Variants in CREBBP observed in about 807,000 individuals in gnomAD.
CREBBP encodes CREB-binding protein.
Under a neutral mutation model 265.0 loss-of-function variants are expected in CREBBP, and 19 were observed. The observed-to-expected ratio is 0.07, with a 90% CI of 0.05 to 0.11. The LOEUF is 0.11. CREBBP is among the 10% of genes least tolerant of loss of function. The pLI, the probability that CREBBP is intolerant of heterozygous loss-of-function variation, is 1.00. For missense variants in CREBBP, 2,525 were observed against 3,219.0 expected (o/e 0.78, Z 5.22); for synonymous variants, 1,457 against 1,223.7 (o/e 1.19, Z -3.98).
chr16:3,798,200 C>A (rs899613586), intron 3 of CREBBP, among the ~76,000 whole-genome samples: 2 of 152,168 alleles, frequency 1.3e-5, no homozygotes, highest in African/African-American at 2.4e-5. Flanking sequence ...GCAAACACTT[C>A]AACGTAAGAG....
At chr16:3,851,074 T>C in intron 1 of CREBBP, 65 bp from the exon 2 acceptor site, 2 of 1,391,220 alleles carry the variant, frequency 1.4e-6, no homozygotes, top group Admixed American at 1.7e-5. Context: ...AACTGCCACG[T>C]TTCTATGATC....
intron 1 of CREBBP, among the ~76,000 whole-genome samples, chr16:3,874,670 A>G (rs1321998150): frequency 6.6e-6 from 1 of 152,210 alleles, no homozygotes; most frequent in Non-Finnish European, 1.5e-5. Flanking sequence ...CAGGATTGAG[A>G]GTGGTCCAAC....
chr16:3,740,988 G>A (rs969083437), intron 23 of CREBBP: 10 of 310,828 alleles, frequency 3.2e-5, no homozygotes, highest in African/African-American at 1.7e-4. Context: ...AACGTGGAAC[G>A]TTCTAGGGCT....
intron 1 of CREBBP, among the ~76,000 whole-genome samples, chr16:3,873,784 A>G (rs186021085): frequency 3.8e-3 from 580 of 152,310 alleles, no homozygotes; most frequent in Admixed American, 5.2e-3. Flanking sequence ...GTGGGAGCCC[A>G]TGGGTACGGA....
intron 2 of CREBBP, among the ~76,000 whole-genome samples, chr16:3,843,137 A>G (rs1164830534): frequency 6.6e-6 from 1 of 152,172 alleles, no homozygotes; most frequent in African/African-American, 2.4e-5. Context: ...AACTTACGAA[A>G]GAACAGGCTG....
chr16:3,818,736 C>G (rs1341061749), intron 2 of CREBBP, among the ~76,000 whole-genome samples: 4 of 152,186 alleles, frequency 2.6e-5, no homozygotes, highest in Non-Finnish European at 5.9e-5. Flanking sequence ...GCAGACCACT[C>G]AGAGGAAGTG....
intron 27 of CREBBP, 107 bp from the exon 28 acceptor site, chr16:3,736,310 G>A: frequency 8.4e-7 from 1 of 1,191,504 alleles, no homozygotes; most frequent in African/African-American, 1.5e-5. Context: ...GTGTGGCAGA[G>A]TCCCATGCAT....
intron 26 of CREBBP, among the ~76,000 whole-genome samples, chr16:3,738,314 T>TAAA (rs369510235): frequency 1.5e-5 from 2 of 131,250 alleles, no homozygotes; most frequent in Admixed American, 7.6e-5. Flanking sequence ...TCAATAAAGT[T>TAAA]AAAAAAAAAA....
At chr16:3,815,972 T>C (rs1022419963) in intron 2 of CREBBP, among the ~76,000 whole-genome samples, 2 of 152,194 alleles carry the variant, frequency 1.3e-5, no homozygotes, top group East Asian at 3.8e-4. Flanking sequence ...ACTGTTCAGT[T>C]AATAGTAAAA....
chr16:3,745,391 G>T (rs1356492914), intron 21 of CREBBP, 37 bp from the exon 22 acceptor site: 1 of 1,592,952 alleles, frequency 6.3e-7, no homozygotes, highest in South Asian at 1.1e-5. Flanking sequence ...AAAGCACACG[G>T]AACCACAAGA....
rs1312606812 is a variant in CREBBP at position 3,731,975 on chromosome 16, C to T, written c.4729-38G>A. 1.2e-6 allele frequency: 2 copies of T among 1,613,976 alleles called. No individual in the cohort carries two copies. Among genetic ancestry groups the T allele is most frequent in the Non-Finnish European group, 1.7e-6 (2 of 1,180,034 alleles). ...GCAAGGCTGTGAGACCAGGCAAGTGCCCCTCCACACTTGGCACGGACGCCC... is the reference window on the plus strand; with the variant it reads ...GCAAGGCTGTGAGACCAGGCAAGTGTCCCTCCACACTTGGCACGGACGCCC... On this transcript the variant is annotated intron_variant, in intron 28 of 30. Transcript: ENST00000262367. The surrounding 1 kb of genome is among the most constrained non-coding windows in gnomAD (Gnocchi z 7.7).
At position 3,773,900 on chromosome 16, in the gene CREBBP, G is replaced by A. The variant is rs1555482779; in HGVS notation, c.2314C>T (p.Pro772Ser). Residue 772 changes from proline to serine, a missense_variant, in exon 13 of 31, where the codon CCT becomes TCT. Transcript: ENST00000262367. ...GTGTGTGCACCCATCATGTTCGGAGGCTGAGGCATTCGGGAAGGAGAAATG... is the reference window on the plus strand; with the variant it reads ...GTGTGTGCACCCATCATGTTCGGAGACTGAGGCATTCGGGAAGGAGAAATG... ...MAISPSRMPQ[P>S]PNMMGAHTNN... 1.9e-6 allele frequency: 3 copies of A among 1,612,244 alleles called. No homozygotes were observed. Among genetic ancestry groups the A allele is most frequent in the Non-Finnish European group, 2.5e-6 (3 of 1,180,020 alleles).
intron 2 of CREBBP, among the ~76,000 whole-genome samples, chr16:3,811,076 T>C (rs1257579740): frequency 6.6e-6 from 1 of 151,966 alleles, no homozygotes; most frequent in Admixed American, 6.6e-5. Context: ...AGAAAGTCAT[T>C]TGGAAAACAA....
intron 1 of CREBBP, among the ~76,000 whole-genome samples, chr16:3,858,415 C>T (rs755750220): frequency 1.0e-3 from 158 of 152,194 alleles, no homozygotes; most frequent in Non-Finnish European, 2.0e-3. Context: ...GTCTATCACA[C>T]CTTCTCCTGG....
At position 3,729,806 on chromosome 16, in the gene CREBBP, C is replaced by A. The variant is rs932933039; in HGVS notation, c.5241G>T (p.Leu1747=). 3.7e-6 allele frequency: 6 copies of A among 1,605,736 alleles called. No individual in the cohort carries two copies. The Admixed American group carries it at 1.0e-4, about 27-fold the overall frequency. ...SHAHKMVKWG[L]GLDDEGSSQG... is the part of the protein sequence containing the mutation. ...GGCTGCTGCCCTCGTCATCCAGGCC[C>A]AGCCCCCACTTCACCATCTTATGGG... is the stretch of plus-strand genomic sequence containing the variant. Residue 1747 remains leucine (L), a synonymous_variant, in exon 31 of 31, where the codon CTG becomes CTT. Transcript: ENST00000262367.
At chr16:3,827,747 G>C (rs2054265996) in intron 2 of CREBBP, among the ~76,000 whole-genome samples, 1 of 152,112 alleles carries the variant, frequency 6.6e-6, no homozygotes, top group Non-Finnish European at 1.5e-5. Context: ...CTGGAGTACA[G>C]TGATACAACA....
rs1409592843 is a variant in CREBBP at position 3,731,934 on chromosome 16, T to G, written c.4732A>C (p.Ser1578Arg). 6.2e-7 allele frequency: 1 copy of G among 1,614,214 alleles called. No individual in the cohort carries two copies. The highest frequency in any genetic ancestry group is 1.1e-5 in the South Asian group (1 of 91,086). The stretch of plus-strand genomic sequence containing the variant: ...TTGGCATTCTTGCTGTCGCCCTGAC[T>G]GCCCTGCAACAACACGCAAGGCTGT... Reference protein sequence around the residue: ...STAASETTEGSQGDSKNAKKK... With the variant: ...STAASETTEGRQGDSKNAKKK... The change falls in exon 29 of 31, where the codon AGT (serine) becomes CGT (arginine). Residue 1578 changes from serine (S) to arginine (R), a missense_variant. Ser to Arg is a moderately radical substitution (Grantham distance 110, BLOSUM62 -1). Coordinates refer to ENST00000262367, the MANE Select transcript of CREBBP (RefSeq NM_004380.3). The surrounding 1 kb of genome is among the most constrained non-coding windows in gnomAD (Gnocchi z 7.7).
chr16:3,769,460 T>G lies in CREBBP; in HGVS notation c.2881-107A>C. 6 of 1,380,106 alleles carry G rather than the reference T, an allele frequency of 4.3e-6. No homozygotes were observed. The South Asian group carries it at 7.1e-5, about 16-fold the overall frequency. 85.5% of individuals were successfully genotyped at this position (1,380,106 alleles called of 1,614,324 possible). A position where few individuals can be genotyped will look rare whatever the true frequency, so the allele number is the denominator to read the frequency against. On this transcript the variant is annotated intron_variant, in intron 14 of 30. Transcript: ENST00000262367. ...ATTTCCCATTAACATTTCTCAATAC[T>G]GATCCAGCAGGTGCCCTTCTGTGAA...
Position 3,793,371 on chromosome 16 carries a change from A to C in CREBBP, c.1216+15T>G, listed in dbSNP as rs2141285055. On this transcript the variant is annotated intron_variant, in intron 4 of 30. Coordinates refer to ENST00000262367, the MANE Select transcript of CREBBP (RefSeq NM_004380.3). ...CCTGACCTCTACCACTAGGAGTTCC[A>C]AAAACAGCACTTACCTTGGCAGGCT... 1.9e-6 allele frequency: 3 copies of C among 1,613,050 alleles called. No individual in the cohort carries two copies. Among genetic ancestry groups the C allele is most frequent in the Non-Finnish European group, 2.5e-6 (3 of 1,179,448 alleles).
Sources: allele counts gnomAD v4.1 joint callset (sites outside exome capture counted in the v4.1 genomes callset), GRCh38; gene constraint gnomAD v4.1.1; non-coding constraint Gnocchi (gnomAD v3.1); transcripts MANE v1.5; gene names NCBI Gene and HGNC (gene_info 2026-07-23, HGNC 2026-07-21).